Variants in NRXN1 observed in about 807,000 individuals in gnomAD.
NRXN1 encodes neurexin 1.
NRXN1 carries 39 observed loss-of-function variants against 150.9 expected under a neutral mutation model. That is an observed-to-expected ratio of 0.26 (90% CI 0.20 to 0.34). The LOEUF is 0.34. Among genes scored for constraint, NRXN1 ranks in the 10% least tolerant of loss-of-function variants. The pLI is 1.00. For missense variants in NRXN1, 1,815 were observed against 1,949.9 expected, an observed-to-expected ratio of 0.93 and a Z score of 1.30; for synonymous variants, 924 against 757.0, an observed-to-expected ratio of 1.22 and a Z score of -3.62.
chr2:49,997,222 A>G (rs2152528269), intron 21 of NRXN1, among the ~76,000 whole-genome samples: 1 of 152,270 alleles, frequency 6.6e-6, no homozygotes, highest in East Asian at 1.9e-4. Flanking sequence ...TATCTCTTGG[A>G]AGCAATTACA....
chr2:49,967,159 A>T (rs1057384453), intron 21 of NRXN1, among the ~76,000 whole-genome samples: 1 of 152,094 alleles, frequency 6.6e-6, no homozygotes, highest in Non-Finnish European at 1.5e-5. Flanking sequence ...TCACCTTAAA[A>T]ATTGATTAAA....
At chr2:50,843,568 A>G (rs1574674547) in intron 5 of NRXN1, among the ~76,000 whole-genome samples, 1 of 152,146 alleles carries the variant, frequency 6.6e-6, no homozygotes, top group African/African-American at 2.4e-5. Flanking sequence ...ATTTCACTTC[A>G]TTTCATTTCA....
At chr2:49,987,609 A>G (rs1265584128) in intron 21 of NRXN1, among the ~76,000 whole-genome samples, 1 of 152,116 alleles carries the variant, frequency 6.6e-6, no homozygotes, top group East Asian at 1.9e-4. Flanking sequence ...ATTGAAGCCT[A>G]TAGTGTCTTA....
chr2:50,190,761 C>A (rs1159896228), intron 18 of NRXN1, among the ~76,000 whole-genome samples: 1 of 149,642 alleles, frequency 6.7e-6, no homozygotes, highest in African/African-American at 2.5e-5. Flanking sequence ...TACAGGCATG[C>A]GCCACCATGG....
chr2:50,666,486 C>A (rs1304275676), intron 5 of NRXN1, among the ~76,000 whole-genome samples: 1 of 151,900 alleles, frequency 6.6e-6, no homozygotes, highest in South Asian at 2.1e-4. Flanking sequence ...TTTTTGAGAA[C>A]CTCACAAATT....
chr2:50,908,987 T>TA (rs1425282325), intron 5 of NRXN1, among the ~76,000 whole-genome samples: 2 of 152,096 alleles, frequency 1.3e-5, no homozygotes, highest in Admixed American at 6.6e-5. Flanking sequence ...CTTTATAACT[T>TA]ACACATTTAT....
chr2:50,163,735 C>A (rs889143136), intron 18 of NRXN1, among the ~76,000 whole-genome samples: 22 of 152,042 alleles, frequency 1.4e-4, no homozygotes, highest in Admixed American at 1.4e-3. Context: ...TTTTTCTTGA[C>A]GTGTGTTAAC....
intron 5 of NRXN1, among the ~76,000 whole-genome samples, chr2:50,889,584 G>A (rs1361781563): frequency 6.6e-6 from 1 of 151,556 alleles, no homozygotes; most frequent in Non-Finnish European, 1.5e-5. Context: ...ATTATTTTCA[G>A]AAAAAACATA....
At chr2:50,384,239 G>A (rs908602724) in intron 17 of NRXN1, among the ~76,000 whole-genome samples, 3 of 152,116 alleles carry the variant, frequency 2.0e-5, no homozygotes, top group African/African-American at 7.2e-5. Context: ...GGGTGCGGTG[G>A]CTCATGCCTG....
chr2:50,938,060 G>C (rs1436538081), intron 2 of NRXN1, among the ~76,000 whole-genome samples: 1 of 152,018 alleles, frequency 6.6e-6, no homozygotes, highest in Non-Finnish European at 1.5e-5. Context: ...GAAAGGTAAA[G>C]TAAAAATATG....
At chr2:50,159,703 T>C (rs2059244487) in intron 18 of NRXN1, among the ~76,000 whole-genome samples, 1 of 151,984 alleles carries the variant, frequency 6.6e-6, no homozygotes, top group Non-Finnish European at 1.5e-5. Flanking sequence ...TCTGTCTGCA[T>C]AGAAAGGGCT....
Position 49,919,360 on chromosome 2 carries a change from C to A in NRXN1, c.*2584G>T, listed in dbSNP as rs905214029. Reference sequence around the variant, plus strand: ...GCCAATAATATTAGAAATAATTTTGCTGATAATAAACTATATCAATCATTG... The same window carrying A: ...GCCAATAATATTAGAAATAATTTTGATGATAATAAACTATATCAATCATTG... On this transcript the variant is annotated 3_prime_UTR_variant, in exon 23 of 23. Coordinates refer to ENST00000401669, the MANE Select transcript of NRXN1 (RefSeq NM_001330078.2). The A allele has an allele frequency of 1.8e-4, 28 of 151,950 alleles. No homozygotes were observed. The highest frequency in any genetic ancestry group is 6.8e-4 in the African/African-American group (28 of 41,388). 9.4% of individuals were successfully genotyped at this position (151,950 alleles called of 1,614,324 possible). A position where few individuals can be genotyped will look rare whatever the true frequency, so the allele number is the denominator to read the frequency against.
intron 5 of NRXN1, among the ~76,000 whole-genome samples, chr2:50,910,464 G>A (rs1169926076): frequency 6.6e-6 from 1 of 151,900 alleles, no homozygotes; most frequent in Non-Finnish European, 1.5e-5. Flanking sequence ...AAGCCACACA[G>A]CAGATACATC....
chr2:50,012,018 A>T (rs182077050), intron 21 of NRXN1, among the ~76,000 whole-genome samples: 6 of 152,250 alleles, frequency 3.9e-5, no homozygotes, highest in African/African-American at 1.4e-4. Flanking sequence ...TAAGGCAAAC[A>T]TAATAGCCCA....
intron 22 of NRXN1, among the ~76,000 whole-genome samples, chr2:49,927,774 A>T (rs1050437749): frequency 6.6e-6 from 1 of 152,192 alleles, no homozygotes; most frequent in African/African-American, 2.4e-5. Context: ...CCAAGGCATT[A>T]GCATGCCATC....
chr2:50,226,103 C>A (rs774757330), intron 18 of NRXN1, among the ~76,000 whole-genome samples: 30 of 151,956 alleles, frequency 2.0e-4, no homozygotes, highest in Non-Finnish European at 4.3e-4. Flanking sequence ...AGGAGTCAGA[C>A]TGACTGAGTT....
intron 17 of NRXN1, among the ~76,000 whole-genome samples, chr2:50,374,903 T>C (rs145365188): frequency 3.0e-4 from 46 of 152,322 alleles, no homozygotes; most frequent in Non-Finnish European, 4.9e-4. Flanking sequence ...AGTTATGGAA[T>C]GCAGCCATCA....
chr2:51,019,727 G>A (rs1669299946), intron 2 of NRXN1, among the ~76,000 whole-genome samples: 1 of 152,084 alleles, frequency 6.6e-6, no homozygotes, highest in South Asian at 2.1e-4. Context: ...TGATTGTGTT[G>A]GTAGGATTTG....
chr2:50,660,548 T>G (rs1687147128), intron 5 of NRXN1, among the ~76,000 whole-genome samples: 2 of 152,060 alleles, frequency 1.3e-5, no homozygotes, highest in South Asian at 4.1e-4. Context: ...GGTGGCATTC[T>G]CCTACCTTGA....
Sources: allele counts gnomAD v4.1 joint callset (sites outside exome capture counted in the v4.1 genomes callset), GRCh38; gene constraint gnomAD v4.1.1; transcripts MANE v1.5; gene names NCBI Gene and HGNC (gene_info 2026-07-23, HGNC 2026-07-21).